L3MBTL4: variants seen among roughly 807,000 people sequenced by gnomAD.
L3MBTL4 encodes lethal(3)malignant brain tumor-like protein 4.
L3MBTL4 carries 70 observed loss-of-function variants against 84.5 expected under a neutral mutation model. The ratio of observed to expected loss-of-function variants is 0.83; its 90% confidence interval spans 0.68 to 1.01. The LOEUF is 1.01. Among genes scored for constraint, L3MBTL4 ranks in the 50% least tolerant of loss-of-function variants. The pLI is 0.00. For missense variants in L3MBTL4, 715 were observed against 754.8 expected (o/e 0.95, Z 0.62); for synonymous variants, 274 against 259.8 (o/e 1.05, Z -0.52).
At chr18:6,084,752 C>T (rs1193025638) in intron 15 of L3MBTL4, among the ~76,000 whole-genome samples, 1 of 152,142 alleles carries the variant, frequency 6.6e-6, no homozygotes, top group East Asian at 1.9e-4. Context: ...AGAGGATGTG[C>T]TATTGGATCA....
intron 16 of L3MBTL4, among the ~76,000 whole-genome samples, chr18:5,986,979 C>G (rs898023721): frequency 3.9e-5 from 6 of 152,220 alleles, no homozygotes; most frequent in African/African-American, 1.4e-4. Flanking sequence ...GGCCAGGGAG[C>G]AGGTAACTCC....
At chr18:6,120,899 G>A (rs2059500568) in intron 14 of L3MBTL4, among the ~76,000 whole-genome samples, 1 of 152,148 alleles carries the variant, frequency 6.6e-6, no homozygotes, top group Non-Finnish European at 1.5e-5. Flanking sequence ...TCAAGTAGGA[G>A]CTATTATAAA....
At chr18:6,147,305 CTAT>C (rs1300081823) in intron 13 of L3MBTL4, among the ~76,000 whole-genome samples, 2 of 151,868 alleles carry the variant, frequency 1.3e-5, no homozygotes, top group African/African-American at 4.8e-5. Flanking sequence ...TTAATCATAC[CTAT>C]TCTCCTCCTC....
At chr18:6,004,579 T>C (rs892583963) in intron 16 of L3MBTL4, among the ~76,000 whole-genome samples, 2 of 152,180 alleles carry the variant, frequency 1.3e-5, no homozygotes, top group Non-Finnish European at 2.9e-5. Context: ...GATGACATGA[T>C]CTTACATGTA....
rs867238398 is a variant in L3MBTL4 at position 6,019,889 on chromosome 18, T to C, written c.1445-50327A>G. On this transcript the variant is annotated intron_variant, in intron 16 of 18. Coordinates refer to ENST00000317931, the MANE Select transcript of L3MBTL4 (RefSeq NM_001330559.2). Reference sequence around the variant, plus strand: ...ACTTGTGATGTGATAATTATTCATGTTTCTTTCTTTAAAAGTTTGTGTCCT... The same window carrying C: ...ACTTGTGATGTGATAATTATTCATGCTTCTTTCTTTAAAAGTTTGTGTCCT... Among the ~76,000 whole-genome samples the C allele has an allele frequency of 2.0e-5, 3 of 152,358 alleles. No homozygotes were observed. In the Middle Eastern group the frequency reaches 0.01, roughly 518 times the overall value.
At chr18:6,312,625 A>G (rs2050892767) in intron 1 of L3MBTL4, among the ~76,000 whole-genome samples, 1 of 152,182 alleles carries the variant, frequency 6.6e-6, no homozygotes, top group Non-Finnish European at 1.5e-5. Context: ...GCATCATCCC[A>G]GGAGAAAATG....
chr18:6,149,627 G>T (rs1312676275), intron 13 of L3MBTL4, among the ~76,000 whole-genome samples: 1 of 152,086 alleles, frequency 6.6e-6, no homozygotes, highest in African/African-American at 2.4e-5. Context: ...TCGCCACACT[G>T]ACTTCCACAA....
chr18:6,157,428 G>C (rs2043149541), intron 13 of L3MBTL4, among the ~76,000 whole-genome samples: 1 of 152,052 alleles, frequency 6.6e-6, no homozygotes, highest in African/African-American at 2.4e-5. Flanking sequence ...TTCCATCTCT[G>C]AATAAAATTT....
At chr18:6,336,471 G>C (rs1040430049) in intron 1 of L3MBTL4, among the ~76,000 whole-genome samples, 1 of 152,124 alleles carries the variant, frequency 6.6e-6, no homozygotes, top group Admixed American at 6.5e-5. Flanking sequence ...ATGCAAAGTA[G>C]AGTTTTTCTA....
At chr18:6,188,728 G>A (rs1032692140) in intron 12 of L3MBTL4, among the ~76,000 whole-genome samples, 10 of 152,284 alleles carry the variant, frequency 6.6e-5, no homozygotes, top group Admixed American at 2.0e-4. Context: ...GAGATCTGCC[G>A]AAACCCCAGA....
intron 4 of L3MBTL4, among the ~76,000 whole-genome samples, chr18:6,285,809 A>ATTAT (rs1757908003): frequency 4.2e-5 from 6 of 143,232 alleles, no homozygotes; most frequent in South Asian, 2.3e-4. Context: ...TTTAAAAGAT[A>ATTAT]TATTATTATT....
intron 17 of L3MBTL4, among the ~76,000 whole-genome samples, chr18:5,964,268 G>A (rs2052218414): frequency 6.6e-6 from 1 of 152,238 alleles, no homozygotes; most frequent in Non-Finnish European, 1.5e-5. Flanking sequence ...CAGGCTCTGA[G>A]AGGAGCCCAT....
intron 12 of L3MBTL4, among the ~76,000 whole-genome samples, chr18:6,181,140 T>C (rs549152336): frequency 1.2e-4 from 18 of 151,844 alleles, no homozygotes; most frequent in Non-Finnish European, 1.8e-4. Flanking sequence ...ACGGACTTTC[T>C]GTTTGAGGTG....
intron 14 of L3MBTL4, among the ~76,000 whole-genome samples, chr18:6,098,396 C>T (rs117808397): frequency 0.027 from 4,037 of 152,266 alleles, 56 homozygotes; most frequent in South Asian, 0.052. Flanking sequence ...TGTTCCCAAA[C>T]GCCAATGGTC....
At chr18:6,069,897 T>G (rs2057527741) in intron 16 of L3MBTL4, among the ~76,000 whole-genome samples, 3 of 152,060 alleles carry the variant, frequency 2.0e-5, no homozygotes, top group Non-Finnish European at 2.9e-5. Flanking sequence ...ATTGCTAAAC[T>G]AAGAAATAAA....
At chr18:6,179,099 C>T (rs1348582363) in intron 12 of L3MBTL4, among the ~76,000 whole-genome samples, 1 of 152,212 alleles carries the variant, frequency 6.6e-6, no homozygotes, top group East Asian at 1.9e-4. Flanking sequence ...ATTGAATGCT[C>T]AGTCACAATA....
At chr18:6,170,554 G>T (rs1251262710) in intron 13 of L3MBTL4, among the ~76,000 whole-genome samples, 1 of 152,076 alleles carries the variant, frequency 6.6e-6, no homozygotes, top group Non-Finnish European at 1.5e-5. Context: ...ATAGACTCTG[G>T]GATGCTTCTG....
rs1390542514 is a variant in L3MBTL4 at position 6,414,717 on chromosome 18, G to T, written c.-91+84C>A. ...GTGCAGGCCCCTCTACCTGCCCGGG[G>T]ATGGGGCCACCCCGCGCGGCGGCGG... On this transcript the variant is annotated intron_variant, in intron 1 of 18. Coordinates refer to ENST00000317931, the MANE Select transcript of L3MBTL4 (RefSeq NM_001330559.2). This position sits in a 1 kb window ranked among gnomAD's most constrained non-coding sequence, Gnocchi z 5.4. The T allele has an allele frequency of 1.3e-5, 2 of 151,904 alleles. No homozygotes were observed. The highest frequency in any genetic ancestry group is 2.1e-4 in the South Asian group (1 of 4,832). The allele number at this position is 151,904 out of a possible 1,614,324, so 9.4% of individuals were successfully genotyped here.
intron 1 of L3MBTL4, among the ~76,000 whole-genome samples, chr18:6,382,749 G>T (rs2054646237): frequency 6.6e-6 from 1 of 152,180 alleles, no homozygotes; most frequent in Admixed American, 6.5e-5. Context: ...GTGTCTATCG[G>T]TCCCTACTCG....
Sources: allele counts gnomAD v4.1 joint callset (sites outside exome capture counted in the v4.1 genomes callset), GRCh38; gene constraint gnomAD v4.1.1; non-coding constraint Gnocchi (gnomAD v3.1); transcripts MANE v1.5; gene names NCBI Gene and HGNC (gene_info 2026-07-23, HGNC 2026-07-21).